Variants in SCMH1 observed in about 807,000 individuals in gnomAD.
SCMH1 encodes the protein Scm polycomb group protein homolog 1, also known as polycomb protein SCMH1.
SCMH1 carries 37 observed loss-of-function variants against 70.8 expected under a neutral mutation model. That is an observed-to-expected ratio of 0.52 (90% CI 0.40 to 0.69). SCMH1 has a LOEUF of 0.69. SCMH1 is among the 30% of genes least tolerant of loss of function. SCMH1 has a pLI of 0.00. For missense variants in SCMH1, 607 were observed against 827.3 expected (o/e 0.73, Z 3.27); for synonymous variants, 292 against 307.4 (o/e 0.95, Z 0.52).
intron 2 of SCMH1, among the ~76,000 whole-genome samples, chr1:41,183,956 A>T (rs527785452): frequency 5.7e-4 from 87 of 152,280 alleles, no homozygotes; most frequent in Non-Finnish European, 6.6e-4. Flanking sequence ...AAATGAACTT[A>T]CCATTTTTAA....
chr1:41,238,785 T>A (rs1662900812), intron 1 of SCMH1, among the ~76,000 whole-genome samples: 1 of 152,242 alleles, frequency 6.6e-6, no homozygotes, highest in African/African-American at 2.4e-5. Flanking sequence ...ATATTCCACT[T>A]TCTGACCACA....
At chr1:41,036,012 A>G (rs551510867) in intron 13 of SCMH1, among the ~76,000 whole-genome samples, 3 of 152,010 alleles carry the variant, frequency 2.0e-5, no homozygotes, top group Non-Finnish European at 2.9e-5. Context: ...CTCACTTTGA[A>G]TTTTCTAAAT....
intron 8 of SCMH1, among the ~76,000 whole-genome samples, chr1:41,089,602 T>G (rs1280794280): frequency 1.3e-5 from 2 of 152,118 alleles, no homozygotes; most frequent in African/African-American, 2.4e-5. Flanking sequence ...GTGAGCCTGT[T>G]AAAACATGCT....
At chr1:41,103,130 A>G (rs191547815) in intron 8 of SCMH1, among the ~76,000 whole-genome samples, 203 of 151,682 alleles carry the variant, frequency 1.3e-3, no homozygotes, top group Middle Eastern at 3.4e-3. Context: ...CAAGGGAAGA[A>G]AATTTTTTTT....
At chr1:41,145,556 A>C (rs1644475870) in intron 5 of SCMH1, among the ~76,000 whole-genome samples, 1 of 152,172 alleles carries the variant, frequency 6.6e-6, no homozygotes, top group Non-Finnish European at 1.5e-5. Flanking sequence ...GTCTCTTGTA[A>C]GAATTTTAGA....
At chr1:41,223,786 T>C (rs2148863934) in intron 1 of SCMH1, among the ~76,000 whole-genome samples, 1 of 152,284 alleles carries the variant, frequency 6.6e-6, no homozygotes, top group East Asian at 1.9e-4. Flanking sequence ...AATCAGATAA[T>C]AACCTGCAAA....
intron 10 of SCMH1, among the ~76,000 whole-genome samples, chr1:41,053,142 C>T (rs749827356): frequency 6.2e-5 from 2 of 32,016 alleles, no homozygotes; most frequent in Admixed American, 3.4e-4. Flanking sequence ...CTCAGCCTCC[C>T]AAAGTGGTGG....
At chr1:41,114,503 A>G (rs1206539206) in intron 7 of SCMH1, among the ~76,000 whole-genome samples, 1 of 152,150 alleles carries the variant, frequency 6.6e-6, no homozygotes, top group Non-Finnish European at 1.5e-5. Flanking sequence ...ATAAATTTCA[A>G]TCAGTTTTTT....
At chr1:41,165,343 G>A (rs746225892) in intron 2 of SCMH1, among the ~76,000 whole-genome samples, 1 of 151,926 alleles carries the variant, frequency 6.6e-6, no homozygotes, top group Non-Finnish European at 1.5e-5. Flanking sequence ...CAATGAATAC[G>A]GGCATGCAGA....
intron 2 of SCMH1, among the ~76,000 whole-genome samples, chr1:41,176,152 A>G (rs1461096402): frequency 6.7e-6 from 1 of 149,734 alleles, no homozygotes; most frequent in Non-Finnish European, 1.5e-5. Context: ...CCTGGGCAAC[A>G]GAGCAAGACT....
intron 6 of SCMH1, among the ~76,000 whole-genome samples, chr1:41,129,133 G>T (rs917267682): frequency 6.6e-6 from 1 of 151,984 alleles, no homozygotes; most frequent in African/African-American, 2.4e-5. Flanking sequence ...TGTTATTTCT[G>T]GATTCTAATT....
chr1:41,083,449 C>T (rs1038218160), intron 8 of SCMH1, among the ~76,000 whole-genome samples: 143 of 152,240 alleles, frequency 9.4e-4, no homozygotes, highest in Admixed American at 3.2e-3. Flanking sequence ...AGGAGAACTA[C>T]AAACCACTGC....
At chr1:41,143,204 G>T in intron 5 of SCMH1, 92 bp from the exon 6 acceptor site, 1 of 844,286 alleles carries the variant, frequency 1.2e-6, no homozygotes, top group Non-Finnish European at 1.9e-6. Context: ...CTGGGCCAGG[G>T]ACAACCAACT....
chr1:41,157,772 G>A (rs1357545358), intron 4 of SCMH1, among the ~76,000 whole-genome samples: 1 of 152,162 alleles, frequency 6.6e-6, no homozygotes, highest in African/African-American at 2.4e-5. Context: ...TACATTTTCT[G>A]TCAGAAGGCT....
chr1:41,148,623 C>A (rs1644796125), intron 5 of SCMH1, among the ~76,000 whole-genome samples: 1 of 152,086 alleles, frequency 6.6e-6, no homozygotes, highest in African/African-American at 2.4e-5. Flanking sequence ...ATAATTCTTA[C>A]ATTAGTTATC....
rs541588562 is a variant in SCMH1 at position 41,127,211 on chromosome 1, A to T, written c.413-10201T>A. 1.4e-3 allele frequency among the ~76,000 whole-genome samples: 213 copies of T among 152,050 alleles called. 1 individual carries two copies. Among genetic ancestry groups the T allele is most frequent in the African/African-American group, 4.9e-3 (202 of 41,472 alleles). On this transcript the variant is annotated intron_variant, in intron 6 of 14. Coordinates refer to ENST00000337495, the Ensembl canonical transcript of SCMH1. ...TTTCTATAGGTTTTAGTCTTAAAAA[A>T]TTTTTCTATTTTTCTATTTATGAGT... is the stretch of plus-strand genomic sequence containing the variant.
intron 1 of SCMH1, among the ~76,000 whole-genome samples, chr1:41,235,961 G>A (rs1662292402): frequency 6.6e-6 from 1 of 152,104 alleles, no homozygotes; most frequent in South Asian, 2.1e-4. Context: ...ATTCTATTAA[G>A]TAAATATACC....
chr1:41,095,376 T>C (rs1419646190), intron 8 of SCMH1, among the ~76,000 whole-genome samples: 2 of 152,176 alleles, frequency 1.3e-5, no homozygotes, highest in East Asian at 3.8e-4. Flanking sequence ...ATGTGCAGTC[T>C]TTTTCCTAGG....
intron 8 of SCMH1, among the ~76,000 whole-genome samples, chr1:41,095,974 C>T (rs1664947232): frequency 6.6e-6 from 1 of 151,920 alleles, no homozygotes; most frequent in South Asian, 2.1e-4. Flanking sequence ...TAGTGAAAAA[C>T]AGAATAGGAT....
Sources: gnomAD v4.1 joint callset for allele counts (sites outside exome capture counted in the v4.1 genomes callset) on GRCh38, gnomAD v4.1.1 for gene constraint, MANE v1.5 for transcripts, NCBI Gene and HGNC (gene_info 2026-07-23, HGNC 2026-07-21) for gene names.